The following ANKS1B variants were observed in gnomAD, a reference collection of about 807,000 sequenced individuals.
The protein encoded by ANKS1B is ankyrin repeat and sterile alpha motif domain containing 1B.
Under a neutral mutation model 148.3 loss-of-function variants are expected in ANKS1B, and 36 were observed. That is an observed-to-expected ratio of 0.24 (90% CI 0.19 to 0.32). ANKS1B has a LOEUF of 0.32. Among genes scored for constraint, ANKS1B ranks in the 10% least tolerant of loss-of-function variants. The probability of loss-of-function intolerance (pLI) is 1.00; values close to 1 mark genes in which losing one functional copy is unlikely to be tolerated. For synonymous variants in ANKS1B, 542 were observed against 560.8 expected (o/e 0.97, Z 0.47); for missense variants, 1,157 against 1,542.6 (o/e 0.75, Z 4.19).
rs146942668 is a variant in ANKS1B at position 98,747,836 on chromosome 12, G to A, written c.3748-1987C>T. Among the ~76,000 whole-genome samples, 51 of 152,316 alleles carry A rather than the reference G, an allele frequency of 3.3e-4. No homozygotes were observed. The East Asian group carries it at 9.4e-3, about 28-fold the overall frequency. On this transcript the variant is annotated intron_variant, in intron 26 of 26. Transcript: ENST00000683438. ...AATGAACTGAAGGTCATTATGTTGA[G>A]TGAAATAAGCCAGACACAGAAAGAC...
chr12:99,753,884 A>G (rs560590516), intron 8 of ANKS1B, among the ~76,000 whole-genome samples: 143 of 152,082 alleles, frequency 9.4e-4, no homozygotes, highest in African/African-American at 3.4e-3. Context: ...TCAGCCGGGC[A>G]TGGTGCTGGG....
intron 17 of ANKS1B, among the ~76,000 whole-genome samples, chr12:99,022,644 T>C (rs755155738): frequency 2.6e-5 from 4 of 152,090 alleles, no homozygotes; most frequent in Admixed American, 1.3e-4. Context: ...GTTTTGTTAC[T>C]GAATTTCGAG....
chr12:98,840,171 A>G (rs914935995), intron 17 of ANKS1B, among the ~76,000 whole-genome samples: 2 of 152,170 alleles, frequency 1.3e-5, no homozygotes. Context: ...TCTACTCTCA[A>G]GAGTCTTCTA....
chr12:99,706,153 G>T (rs150920343), intron 8 of ANKS1B, among the ~76,000 whole-genome samples: 1 of 151,932 alleles, frequency 6.6e-6, no homozygotes, highest in Admixed American at 6.6e-5. Flanking sequence ...TATAGTAAGC[G>T]GTAGGAAAGA....
intron 10 of ANKS1B, among the ~76,000 whole-genome samples, chr12:99,499,704 A>G (rs2096637529): frequency 6.6e-6 from 1 of 152,138 alleles, no homozygotes; most frequent in Admixed American, 6.6e-5. Flanking sequence ...TCCAGACCCC[A>G]GTTAAGCTTC....
intron 1 of ANKS1B, among the ~76,000 whole-genome samples, chr12:99,848,237 T>C (rs11110069): frequency 6.6e-6 from 1 of 152,010 alleles, no homozygotes; most frequent in Non-Finnish European, 1.5e-5. Flanking sequence ...GCAGTCACAG[T>C]GTATGAGGCA....
At chr12:98,771,136 T>C (rs1285532912) in intron 25 of ANKS1B, among the ~76,000 whole-genome samples, 1 of 152,162 alleles carries the variant, frequency 6.6e-6, no homozygotes, top group Non-Finnish European at 1.5e-5. Flanking sequence ...TGGCTATAAA[T>C]GGAAGTGGTG....
chr12:98,843,506 A>G (rs1204618277), intron 17 of ANKS1B, among the ~76,000 whole-genome samples: 5 of 152,246 alleles, frequency 3.3e-5, no homozygotes, highest in Admixed American at 3.3e-4. Flanking sequence ...ACCATGAACT[A>G]AATAAACCTT....
chr12:99,807,728 G>A (rs1479286470), intron 3 of ANKS1B, among the ~76,000 whole-genome samples: 1 of 152,054 alleles, frequency 6.6e-6, no homozygotes, highest in Non-Finnish European at 1.5e-5. Flanking sequence ...CTGAGGCACT[G>A]AATAGTTGAA....
intron 12 of ANKS1B, among the ~76,000 whole-genome samples, chr12:99,373,078 A>G (rs2152478082): frequency 6.6e-6 from 1 of 152,320 alleles, no homozygotes; most frequent in East Asian, 1.9e-4. Flanking sequence ...CAAATATCCA[A>G]GAAGATCACT....
At chr12:99,033,301 C>A (rs1430645200) in intron 17 of ANKS1B, among the ~76,000 whole-genome samples, 2 of 152,148 alleles carry the variant, frequency 1.3e-5, no homozygotes, top group African/African-American at 4.8e-5. Flanking sequence ...ATCAAGTAAT[C>A]ATTATGCACT....
chr12:99,782,941 G>C (rs2064512196), intron 4 of ANKS1B, among the ~76,000 whole-genome samples: 1 of 152,116 alleles, frequency 6.6e-6, no homozygotes, highest in Non-Finnish European at 1.5e-5. Flanking sequence ...TGTAATCCCA[G>C]CACTTTGGGA....
intron 14 of ANKS1B, among the ~76,000 whole-genome samples, chr12:99,166,872 G>A (rs2077234008): frequency 6.6e-6 from 1 of 151,814 alleles, no homozygotes; most frequent in South Asian, 2.1e-4. Context: ...TTATTATAAA[G>A]ACATGGTTAT....
At chr12:99,327,987 A>G (rs1212623818) in intron 12 of ANKS1B, among the ~76,000 whole-genome samples, 2 of 151,994 alleles carry the variant, frequency 1.3e-5, no homozygotes, top group African/African-American at 4.8e-5. Flanking sequence ...CATACAGATG[A>G]ATAAATTTTT....
At chr12:98,963,181 T>G (rs550358721) in intron 17 of ANKS1B, among the ~76,000 whole-genome samples, 2 of 151,910 alleles carry the variant, frequency 1.3e-5, no homozygotes, top group African/African-American at 4.8e-5. Context: ...CTTTTTTTCC[T>G]TTCTTTTTTT....
chr12:99,795,290 A>G (rs2066115133), intron 4 of ANKS1B, among the ~76,000 whole-genome samples: 1 of 151,946 alleles, frequency 6.6e-6, no homozygotes, highest in South Asian at 2.1e-4. Flanking sequence ...AATTGCCTAA[A>G]AAGAAATAAT....
intron 17 of ANKS1B, among the ~76,000 whole-genome samples, chr12:98,904,280 G>A (rs1339076803): frequency 2.6e-5 from 4 of 152,070 alleles, no homozygotes; most frequent in African/African-American, 9.7e-5. Flanking sequence ...TGAAACAGGA[G>A]ACTTGGAGGG....
chr12:99,655,574 C>G (rs1243478551), intron 8 of ANKS1B, among the ~76,000 whole-genome samples: 2 of 152,138 alleles, frequency 1.3e-5, no homozygotes, highest in African/African-American at 2.4e-5. Flanking sequence ...AGGGCACTAA[C>G]AGGAAAATAT....
intron 17 of ANKS1B, among the ~76,000 whole-genome samples, chr12:98,968,954 C>T (rs2099880933): frequency 1.3e-5 from 2 of 152,198 alleles, no homozygotes; most frequent in African/African-American, 4.8e-5. Context: ...GTCTCTTGCA[C>T]TAAGTTTTCA....
Sources: gnomAD v4.1 joint callset for allele counts (sites outside exome capture counted in the v4.1 genomes callset) on GRCh38, gnomAD v4.1.1 for gene constraint, MANE v1.5 for transcripts, NCBI Gene and HGNC (gene_info 2026-07-23, HGNC 2026-07-21) for gene names.